The following UPRT variants were observed in gnomAD, a reference collection of about 807,000 sequenced individuals.
UPRT encodes RP11-311P8.3.
UPRT carries 5 observed loss-of-function variants against 22.6 expected under a neutral mutation model. The observed-to-expected ratio is 0.22, with a 90% CI of 0.12 to 0.47. The LOEUF (loss-of-function observed/expected upper bound fraction) is 0.47, where lower values mean the gene tolerates loss of function less well. Ranked by LOEUF, UPRT falls within the 20% of genes least tolerant of loss-of-function variation. The pLI is 0.99. For missense variants in UPRT, 181 were observed against 239.9 expected (o/e 0.75, Z 1.62); for synonymous variants, 77 against 87.7 (o/e 0.88, Z 0.68).
At chrX:75,292,497 C>A (rs1319944492) in intron 1 of UPRT, among the ~76,000 whole-genome samples, 1 of 111,787 alleles carries the variant, frequency 8.9e-6, no homozygotes, top group African/African-American at 3.2e-5. Flanking sequence ...AGGGCTATTT[C>A]ATTGCTTTTT....
At chrX:75,216,999 C>T (rs1031504268) in intron 4 of UPRT, among the ~76,000 whole-genome samples, 6 of 111,803 alleles carry the variant, frequency 5.4e-5, no homozygotes, top group Non-Finnish European at 1.1e-4. Flanking sequence ...CATGATCCGC[C>T]TGCCTCGGCC....
At chrX:75,269,944 A>T (rs2082602923), upstream of UPRT, among the ~76,000 whole-genome samples, 1 of 112,022 alleles carries the variant, frequency 8.9e-6, no homozygotes, top group Non-Finnish European at 1.9e-5. Context: ...ACAGCAAAAG[A>T]AACTATCATA....
In UPRT at chrX:75,300,966, G is replaced by T. The variant is rs2082742241; in HGVS notation, c.823+1G>T. The T allele has an allele frequency of 8.4e-7, 1 of 1,187,511 alleles. No individual in the cohort carries two copies. The highest frequency in any genetic ancestry group is 1.1e-6 in the Non-Finnish European group (1 of 877,479). ...CTCAGTCTGTTCTCCACTCCTCATG[G>T]TGAGTTCAGCATGAGGCAGTAACTA... On this transcript the variant is annotated splice_donor_variant, in intron 6 of 6. Coordinates refer to ENST00000373383, the MANE Select transcript of UPRT (RefSeq NM_145052.4). LOFTEE classifies it high-confidence loss of function.
At chrX:75,173,100 A>T (rs954949817) in intron 4 of UPRT, among the ~76,000 whole-genome samples, 2 of 111,628 alleles carry the variant, frequency 1.8e-5, no homozygotes, top group Non-Finnish European at 3.8e-5. Flanking sequence ...CCATGTCCTT[A>T]TCAGATTAGT....
intron 2 of UPRT, chrX:75,294,544 C>A (rs1375663318): frequency 1.0e-6 from 1 of 961,854 alleles, no homozygotes; most frequent in Non-Finnish European, 1.3e-6. Context: ...GAAAAAAAGG[C>A]ATGAAACTTT....
rs190667124 is a variant in UPRT, at chrX:75,192,354, T to A, written c.-447+24475T>A. Among the ~76,000 whole-genome samples the A allele has an allele frequency of 4.7e-4, 51 of 108,715 alleles. No homozygotes were observed. In the East Asian group the frequency reaches 0.011, roughly 23 times the overall value. 94.4% of individuals were successfully genotyped at this position (108,715 alleles called of 115,157 possible). ...GACATGATTTCAGTTTTTTTTTTAATTTGCTGAGGATTGTTTTATTCCTAA... is the reference window on the plus strand; with the variant it reads ...GACATGATTTCAGTTTTTTTTTTAAATTGCTGAGGATTGTTTTATTCCTAA... On this transcript the variant is annotated intron_variant, in intron 4 of 13. Transcript: ENST00000652605.
chrX:75,242,712 C>T (rs2082492301), intron 4 of UPRT, among the ~76,000 whole-genome samples: 1 of 111,011 alleles, frequency 9.0e-6, no homozygotes, highest in Admixed American at 9.7e-5. Context: ...TGAGATAAAA[C>T]ATATTGCATA....
chrX:75,173,352 A>G (rs2082235363), intron 4 of UPRT, among the ~76,000 whole-genome samples: 1 of 110,669 alleles, frequency 9.0e-6, no homozygotes, highest in South Asian at 4.0e-4. Flanking sequence ...TGTATTTACA[A>G]TCCTTGAGCT....
chrX:75,239,811 A>T (rs1398462120), intron 4 of UPRT, among the ~76,000 whole-genome samples: 2 of 111,707 alleles, frequency 1.8e-5, no homozygotes, highest in Admixed American at 9.5e-5. Context: ...AAGTCAATAA[A>T]TGAGATACAC....
At chrX:75,260,811 C>A (rs764293375) in intron 4 of UPRT, among the ~76,000 whole-genome samples, 1 of 111,787 alleles carries the variant, frequency 8.9e-6, no homozygotes, top group African/African-American at 3.2e-5. Context: ...TTCTTCTCAG[C>A]ACCACATCAC....
intron 4 of UPRT, among the ~76,000 whole-genome samples, chrX:75,168,805 G>A (rs892123476): frequency 9.0e-6 from 1 of 111,217 alleles, no homozygotes; most frequent in African/African-American, 3.3e-5. Context: ...CTGGGATTAC[G>A]GGCATGAGCC....
intron 4 of UPRT, among the ~76,000 whole-genome samples, chrX:75,187,120 A>T (rs762449764): frequency 9.0e-6 from 1 of 111,419 alleles, no homozygotes; most frequent in African/African-American, 3.3e-5. Flanking sequence ...CCTAGTCTTG[A>T]TGGTCTTTAC....
chrX:75,248,711 C>T (rs1225870655), intron 4 of UPRT, among the ~76,000 whole-genome samples: 2 of 111,352 alleles, frequency 1.8e-5, no homozygotes, highest in Non-Finnish European at 3.8e-5. Context: ...ACAGGGAACA[C>T]CACAAAGAAA....
At chrX:75,182,179 C>A (rs1158372661) in intron 4 of UPRT, among the ~76,000 whole-genome samples, 1 of 112,080 alleles carries the variant, frequency 8.9e-6, no homozygotes, top group Non-Finnish European at 1.9e-5. Context: ...ATATGTTGAA[C>A]CAACCCCACA....
intron 4 of UPRT, among the ~76,000 whole-genome samples, chrX:75,265,648 G>C (rs2082585834): frequency 8.9e-6 from 1 of 111,879 alleles, no homozygotes; most frequent in Non-Finnish European, 1.9e-5. Flanking sequence ...GCCCGGAGTA[G>C]TTTGATCATC....
intron 4 of UPRT, among the ~76,000 whole-genome samples, chrX:75,244,737 TG>T: frequency 9.0e-6 from 1 of 111,188 alleles, no homozygotes; most frequent in South Asian, 3.8e-4. Flanking sequence ...AGATTAAAAC[TG>T]GGCCCCTTCC....
chrX:75,249,023 A>C (rs2082517928), intron 4 of UPRT, among the ~76,000 whole-genome samples: 2 of 111,625 alleles, frequency 1.8e-5, no homozygotes, highest in African/African-American at 6.5e-5. Flanking sequence ...AGATTTTGTC[A>C]CCACCAGGCC....
chrX:75,180,032 G>A (rs1315277323), intron 4 of UPRT, among the ~76,000 whole-genome samples: 1 of 112,734 alleles, frequency 8.9e-6, no homozygotes, highest in African/African-American at 3.2e-5. Context: ...CAGAGGAGGT[G>A]CCAAGAGTGA....
At chrX:75,233,569 C>T (rs1024107293) in intron 4 of UPRT, among the ~76,000 whole-genome samples, 2 of 110,927 alleles carry the variant, frequency 1.8e-5, no homozygotes, top group African/African-American at 6.5e-5. Flanking sequence ...GGAAGACCAT[C>T]AGACTAACAG....
Sources: allele counts gnomAD v4.1 joint callset (sites outside exome capture counted in the v4.1 genomes callset), GRCh38; gene constraint gnomAD v4.1.1; transcripts MANE v1.5; gene names NCBI Gene and HGNC (gene_info 2026-07-23, HGNC 2026-07-21).